HS3ST5: variants seen among roughly 807,000 people sequenced by gnomAD.
The protein encoded by HS3ST5 is heparan sulfate glucosamine 3-O-sulfotransferase 5.
HS3ST5 carries 10 observed loss-of-function variants against 25.4 expected under a neutral mutation model. The ratio of observed to expected loss-of-function variants is 0.39; its 90% confidence interval spans 0.24 to 0.67. HS3ST5 has a LOEUF of 0.67. Among genes scored for constraint, HS3ST5 ranks in the 30% least tolerant of loss-of-function variants. The pLI, the probability that HS3ST5 is intolerant of heterozygous loss-of-function variation, is 0.44. For missense variants in HS3ST5, 324 were observed against 420.7 expected (o/e 0.77, Z 2.01); for synonymous variants, 170 against 162.4 (o/e 1.05, Z -0.36).
chr6:114,206,751 A>G (rs1427089049), intron 2 of HS3ST5, among the ~76,000 whole-genome samples: 1 of 152,236 alleles, frequency 6.6e-6, no homozygotes, highest in Non-Finnish European at 1.5e-5. Flanking sequence ...ATTTATAAAC[A>G]TAGAATGGCT....
chr6:114,312,719 T>G lies in HS3ST5; in HGVS notation c.-339+29476A>C, dbSNP rs1490973798. On this transcript the variant is annotated intron_variant, in intron 1 of 4. Transcript: ENST00000312719. The stretch of plus-strand genomic sequence containing the variant: ...AAACCCAGTTAAAAAGAATTGAACA[T>G]ATAATTCATCATCAAAGAATATATA... Among the ~76,000 whole-genome samples, 6 of 151,936 alleles carry G rather than the reference T, an allele frequency of 3.9e-5. No individual in the cohort carries two copies. The East Asian group carries it at 1.2e-3, about 29-fold the overall frequency.
chr6:114,180,637 T>A (rs1027903446), intron 2 of HS3ST5, among the ~76,000 whole-genome samples: 1 of 152,174 alleles, frequency 6.6e-6, no homozygotes, highest in Admixed American at 6.5e-5. Context: ...ATCGTGGGAC[T>A]TGAACTTGTG....
chr6:114,240,000 G>GCACA (rs947790226), intron 1 of HS3ST5, among the ~76,000 whole-genome samples: 2 of 109,922 alleles, frequency 1.8e-5, no homozygotes, highest in Admixed American at 1.0e-4. Flanking sequence ...TTGAGCTTCA[G>GCACA]CACACACATA....
At chr6:114,248,267 T>C (rs929835770) in intron 1 of HS3ST5, among the ~76,000 whole-genome samples, 15 of 149,692 alleles carry the variant, frequency 1.0e-4, no homozygotes, top group African/African-American at 3.6e-4. Context: ...CCACTAATTA[T>C]ACATACATAT....
chr6:114,069,620 G>A (rs1282956145), intron 3 of HS3ST5, among the ~76,000 whole-genome samples: 1 of 150,506 alleles, frequency 6.6e-6, no homozygotes, highest in East Asian at 2.0e-4. Flanking sequence ...CCGGGTTCAA[G>A]CAATTCTCCT....
chr6:114,189,677 C>T (rs1780403868), intron 2 of HS3ST5, among the ~76,000 whole-genome samples: 2 of 151,790 alleles, frequency 1.3e-5, no homozygotes, highest in South Asian at 4.2e-4. Context: ...TCTGAATGTG[C>T]CTCTTTTATA....
intron 1 of HS3ST5, among the ~76,000 whole-genome samples, chr6:114,337,189 T>C (rs753931545): frequency 6.6e-6 from 1 of 152,220 alleles, no homozygotes; most frequent in Non-Finnish European, 1.5e-5. Flanking sequence ...ATAAAATGTC[T>C]ATTCAGTATT....
At chr6:114,253,298 G>T (rs1444881582) in intron 1 of HS3ST5, among the ~76,000 whole-genome samples, 1 of 152,094 alleles carries the variant, frequency 6.6e-6, no homozygotes, top group East Asian at 1.9e-4. Flanking sequence ...GATATTTTGC[G>T]TATTTGGATA....
intron 3 of HS3ST5, among the ~76,000 whole-genome samples, chr6:114,147,072 A>C (rs1219365626): frequency 6.6e-6 from 1 of 152,090 alleles, no homozygotes; most frequent in Admixed American, 6.5e-5. Flanking sequence ...GCATTATCCT[A>C]TTACTACACT....
intron 3 of HS3ST5, among the ~76,000 whole-genome samples, chr6:114,092,162 A>G (rs552638347): frequency 6.6e-6 from 1 of 152,256 alleles, no homozygotes; most frequent in South Asian, 2.1e-4. Flanking sequence ...GGGCTAGATA[A>G]TCTCTTAGGG....
chr6:114,279,626 T>A (rs1243598673), intron 1 of HS3ST5, among the ~76,000 whole-genome samples: 1 of 151,966 alleles, frequency 6.6e-6, no homozygotes, highest in Non-Finnish European at 1.5e-5. Context: ...ATTTTATTGC[T>A]TCCTGAAAAC....
intron 2 of HS3ST5, among the ~76,000 whole-genome samples, chr6:114,220,211 C>T (rs993492565): frequency 1.3e-5 from 2 of 151,934 alleles, no homozygotes; most frequent in South Asian, 2.1e-4. Context: ...ATTTAGAATC[C>T]ATTTATAAGC....
intron 1 of HS3ST5, among the ~76,000 whole-genome samples, chr6:114,233,401 A>G (rs1771701500): frequency 6.6e-6 from 1 of 152,162 alleles, no homozygotes. Context: ...CACAATGGCT[A>G]GTTTACCACT....
intron 1 of HS3ST5, among the ~76,000 whole-genome samples, chr6:114,333,738 C>T (rs995911977): frequency 2.6e-5 from 4 of 151,810 alleles, no homozygotes; most frequent in African/African-American, 7.3e-5. Context: ...CTCCGTCTCC[C>T]GGGTTTACGT....
At chr6:114,316,135 G>T (rs1464991795) in intron 1 of HS3ST5, among the ~76,000 whole-genome samples, 1 of 152,160 alleles carries the variant, frequency 6.6e-6, no homozygotes, top group Non-Finnish European at 1.5e-5. Context: ...AACAATTATT[G>T]AATTTATTGT....
intron 3 of HS3ST5, chr6:114,084,666 C>T: frequency 8.5e-7 from 1 of 1,181,888 alleles, no homozygotes; most frequent in Non-Finnish European, 1.2e-6. Context: ...TGATGGTCAG[C>T]CCTGGGGTCA....
At chr6:114,293,100 G>A (rs1221914643) in intron 1 of HS3ST5, among the ~76,000 whole-genome samples, 1 of 152,112 alleles carries the variant, frequency 6.6e-6, no homozygotes, top group Non-Finnish European at 1.5e-5. Context: ...GTCCACAGGA[G>A]ATGCACTTAA....
intron 1 of HS3ST5, among the ~76,000 whole-genome samples, chr6:114,245,100 A>T (rs989402463): frequency 6.6e-6 from 1 of 152,244 alleles, no homozygotes. Flanking sequence ...TATTCAGTGT[A>T]GAAGATCTAT....
intron 2 of HS3ST5, among the ~76,000 whole-genome samples, chr6:114,187,367 G>A (rs1335982980): frequency 6.6e-6 from 1 of 152,194 alleles, no homozygotes; most frequent in Non-Finnish European, 1.5e-5. Context: ...CAACATTAAT[G>A]AGAGTTTGCA....
Sources: allele counts gnomAD v4.1 joint callset (sites outside exome capture counted in the v4.1 genomes callset), GRCh38; gene constraint gnomAD v4.1.1; transcripts MANE v1.5; gene names NCBI Gene and HGNC (gene_info 2026-07-23, HGNC 2026-07-21).